Variants in FYB1 observed in about 807,000 individuals in gnomAD.
FYB1 encodes FYN binding protein 1, also known as FYN-binding protein 1.
In FYB1, 41 loss-of-function variants were observed where a neutral mutation model predicts 94.1. The observed-to-expected ratio is 0.44, with a 90% CI of 0.34 to 0.57. The LOEUF (loss-of-function observed/expected upper bound fraction) is 0.57, where lower values mean the gene tolerates loss of function less well. Among genes scored for constraint, FYB1 ranks in the 20% least tolerant of loss-of-function variants. The probability of loss-of-function intolerance (pLI) is 0.02; values close to 1 mark genes in which losing one functional copy is unlikely to be tolerated. For synonymous variants in FYB1, 367 were observed against 353.2 expected (o/e 1.04, Z -0.44); for missense variants, 1,050 against 976.8 (o/e 1.07, Z -1.00).
intron 2 of FYB1, among the ~76,000 whole-genome samples, chr5:39,185,654 ATAATCACACTGGAAG>A (rs1160696550): frequency 6.7e-6 from 1 of 150,160 alleles, no homozygotes; most frequent in Non-Finnish European, 1.5e-5. Context: ...ACACACACAC[ATAATCACACTGGAAG>A]TAAGAAAAAA....
chr5:39,252,300 A>C (rs970227791), intron 1 of FYB1, among the ~76,000 whole-genome samples: 6 of 152,196 alleles, frequency 3.9e-5, no homozygotes, highest in African/African-American at 1.4e-4. Context: ...GTGTGTAAGA[A>C]TGTGAGCTAA....
intron 2 of FYB1, among the ~76,000 whole-genome samples, chr5:39,180,991 AT>A (rs1227280457): frequency 6.6e-6 from 1 of 152,198 alleles, no homozygotes; most frequent in African/African-American, 2.4e-5. Flanking sequence ...TCACTCACTC[AT>A]TCGTTCAACC....
intron 1 of FYB1, among the ~76,000 whole-genome samples, chr5:39,218,546 TATTA>T (rs1750055517): frequency 2.6e-5 from 4 of 152,264 alleles, no homozygotes; most frequent in South Asian, 2.1e-4. Flanking sequence ...AAATGGTGAA[TATTA>T]ATTATTATTT....
chr5:39,162,674 C>T (rs948639352), intron 2 of FYB1, among the ~76,000 whole-genome samples: 2 of 150,416 alleles, frequency 1.3e-5, no homozygotes, highest in Non-Finnish European at 3.0e-5. Flanking sequence ...AACAGAGACG[C>T]CATCTCAAAA....
chr5:39,193,538 C>A (rs76367152), intron 2 of FYB1, among the ~76,000 whole-genome samples: 5,668 of 152,260 alleles, frequency 0.037, 362 homozygotes, highest in African/African-American at 0.13. Flanking sequence ...GGAGAGCTAA[C>A]CTTCCCACCT....
chr5:39,229,341 T>G (rs141822163), intron 1 of FYB1, among the ~76,000 whole-genome samples: 39 of 152,232 alleles, frequency 2.6e-4, no homozygotes, highest in Admixed American at 5.9e-4. Flanking sequence ...ATAGAGTCAT[T>G]CTCTGCAGTG....
At chr5:39,192,044 A>G (rs1747411660) in intron 2 of FYB1, among the ~76,000 whole-genome samples, 1 of 152,234 alleles carries the variant, frequency 6.6e-6, no homozygotes, top group Admixed American at 6.5e-5. Context: ...AAGCGTATTT[A>G]TCATCTAATC....
At position 39,134,194 on chromosome 5, in the gene FYB1, G is replaced by A. The variant is rs768362467; in HGVS notation, c.1817+14C>T. 1.5e-5 allele frequency: 24 copies of A among 1,597,468 alleles called. No homozygotes were observed. Among genetic ancestry groups the A allele is most frequent in the East Asian group, 9.0e-5 (4 of 44,484 alleles). On this transcript the variant is annotated intron_variant, in intron 9 of 18. Coordinates refer to ENST00000512982, the MANE Select transcript of FYB1 (RefSeq NM_001465.6). Reference sequence around the variant, plus strand: ...GACAGTTTGATCTGTTCTACAATACGTACTTGCACATACCTGCTAATATCA... The same window carrying A: ...GACAGTTTGATCTGTTCTACAATACATACTTGCACATACCTGCTAATATCA...
chr5:39,208,870 T>C lies in FYB1; in HGVS notation c.-27-5883A>G, dbSNP rs191354897. On this transcript the variant is annotated intron_variant, in intron 1 of 18. Coordinates refer to ENST00000512982, the MANE Select transcript of FYB1 (RefSeq NM_001465.6). ...CTAAGCTGGAGAAACTTACCATCCT[T>C]GAGGCAGGAAGCACACTGGCAAAAA... 7 of 152,256 alleles carry C rather than the reference T, an allele frequency of 4.6e-5. No individual in the cohort carries two copies. Among genetic ancestry groups the C allele is most frequent in the Admixed American group, 4.6e-4 (7 of 15,296 alleles). The allele number at this position is 152,256 out of a possible 1,614,324, so 9.4% of individuals were successfully genotyped here. A position where few individuals can be genotyped will look rare whatever the true frequency, so the allele number is the denominator to read the frequency against.
intron 1 of FYB1, among the ~76,000 whole-genome samples, chr5:39,238,410 TA>T (rs1345331255): frequency 6.6e-6 from 1 of 152,028 alleles, no homozygotes; most frequent in East Asian, 1.9e-4. Context: ...GAATTCACTC[TA>T]GGGGAAAAAA....
intron 1 of FYB1, among the ~76,000 whole-genome samples, chr5:39,268,907 C>T (rs2111749189): frequency 6.6e-6 from 1 of 152,160 alleles, no homozygotes; most frequent in South Asian, 2.1e-4. Context: ...TTAAAAACAT[C>T]GTTACTCATA....
At chr5:39,125,373 T>C (rs1366640) in intron 12 of FYB1, among the ~76,000 whole-genome samples, 64,966 of 152,038 alleles carry the variant, frequency 0.43, 16,755 homozygotes, top group African/African-American at 0.72. Context: ...GGATTATTTT[T>C]GGAATAGAAA....
chr5:39,229,129 T>C lies in FYB1; in HGVS notation c.-27-26142A>G, dbSNP rs180937471. On this transcript the variant is annotated intron_variant, in intron 1 of 1. Coordinates refer to the FYB1 transcript ENST00000510188. ...CTTGGCCAGAATGGGACTGGGGCTATCAAAAGGAGCCTGGGACTCAGGACC... is the reference window on the plus strand; with the variant it reads ...CTTGGCCAGAATGGGACTGGGGCTACCAAAAGGAGCCTGGGACTCAGGACC... Among the ~76,000 whole-genome samples, 219 of 152,172 alleles carry C rather than the reference T, an allele frequency of 1.4e-3. 1 individual carries two copies. The highest frequency in any genetic ancestry group is 5.0e-3 in the African/African-American group (209 of 41,530).
intron 1 of FYB1, among the ~76,000 whole-genome samples, chr5:39,256,617 G>A (rs1463246983): frequency 6.6e-6 from 1 of 152,106 alleles, no homozygotes; most frequent in South Asian, 2.1e-4. Flanking sequence ...AAGCTACGAC[G>A]ATTTCACCCT....
At chr5:39,130,518 CAT>C (rs1487324349) in intron 10 of FYB1, 70 bp downstream of exon 10, 1 of 1,199,442 alleles carries the variant, frequency 8.3e-7, no homozygotes, top group South Asian at 1.3e-5. Context: ...CAAAATAACA[CAT>C]GTGCTCCATA....
chr5:39,233,221 A>T (rs1325148221), intron 1 of FYB1, among the ~76,000 whole-genome samples: 1 of 152,128 alleles, frequency 6.6e-6, no homozygotes, highest in African/African-American at 2.4e-5. Context: ...CTGGGCAAAT[A>T]AACGGTTTGG....
intron 1 of FYB1, among the ~76,000 whole-genome samples, chr5:39,203,335 A>G (rs1748549197): frequency 6.6e-6 from 1 of 152,212 alleles, no homozygotes; most frequent in Admixed American, 6.5e-5. Context: ...TTGAAAAAAT[A>G]TGGAAGTGAC....
At chr5:39,213,144 T>G (rs999330408) in intron 1 of FYB1, 1 of 152,120 alleles carries the variant, frequency 6.6e-6, no homozygotes, top group Non-Finnish European at 1.5e-5. Context: ...TAAAATAACA[T>G]TTCACATATA....
intron 10 of FYB1, among the ~76,000 whole-genome samples, chr5:39,129,457 A>G (rs1320880129): frequency 2.6e-5 from 4 of 152,102 alleles, no homozygotes; most frequent in African/African-American, 9.7e-5. Flanking sequence ...AAATAGACAA[A>G]TGGGATTATA....
Sources: allele counts gnomAD v4.1 joint callset (sites outside exome capture counted in the v4.1 genomes callset), GRCh38; gene constraint gnomAD v4.1.1; transcripts MANE v1.5; gene names NCBI Gene and HGNC (gene_info 2026-07-23, HGNC 2026-07-21).